The following MAD1L1 variants were observed in gnomAD, a reference collection of about 807,000 sequenced individuals.
MAD1L1 encodes mitotic arrest deficient 1 like 1.
A neutral mutation model predicts 96.9 loss-of-function variants in MAD1L1; 95 were observed. The ratio of observed to expected loss-of-function variants is 0.98; its 90% CI spans 0.83 to 1.16. The LOEUF is 1.16. Ranked by LOEUF, MAD1L1 falls within the 50% of genes most tolerant of loss-of-function variation. MAD1L1 has a pLI of 0.00. For missense variants in MAD1L1, 1,007 were observed against 954.4 expected, an observed-to-expected ratio of 1.06 and a Z score of -0.73; for synonymous variants, 473 against 396.6, an observed-to-expected ratio of 1.19 and a Z score of -2.29.
chr7:2,229,987 C>T lies in MAD1L1; in HGVS notation c.147G>A (p.Met49Ile), dbSNP rs1794111689. Residue 49 changes from methionine (M) to isoleucine (I), a missense_variant, in exon 3 of 19, where the codon ATG (methionine) becomes ATA (isoleucine). Transcript: ENST00000265854. ...GSLQMQYQQS[M>I]QLEERAEQIR... ...CACCCAGGCACATGCCACTCACCTG[C>T]ATGCTCTGCTGGTACTGCATCTGCA... The T allele has an allele frequency of 1.9e-6, 3 of 1,612,464 alleles. No individual in the cohort carries two copies. The highest frequency in any genetic ancestry group is 2.5e-6 in the Non-Finnish European group (3 of 1,179,984).
At chr7:1,890,598 C>T (rs61243586) in intron 18 of MAD1L1, among the ~76,000 whole-genome samples, 2,137 of 152,336 alleles carry the variant, frequency 0.014, 55 homozygotes, top group African/African-American at 0.048. Context: ...TTTATAGCAA[C>T]ATAACAGGCA....
At chr7:2,147,601 G>A (rs894314860) in intron 11 of MAD1L1, among the ~76,000 whole-genome samples, 5 of 152,150 alleles carry the variant, frequency 3.3e-5, no homozygotes, top group Admixed American at 6.5e-5. Context: ...CACCAAGCGC[G>A]TCCATGGGAT....
chr7:1,888,972 ACCTGCAGATCCTCGTGG>A, intron 18 of MAD1L1, among the ~76,000 whole-genome samples: 1 of 152,202 alleles, frequency 6.6e-6, no homozygotes, highest in Admixed American at 6.5e-5. Flanking sequence ...GCACTCACTG[ACCTGCAGATCCTCGTGG>A]CCTGATGTCG....
At chr7:2,010,631 T>A (rs1051437230) in intron 13 of MAD1L1, among the ~76,000 whole-genome samples, 1 of 151,698 alleles carries the variant, frequency 6.6e-6, no homozygotes, top group Admixed American at 6.6e-5. Context: ...AACTCAACAC[T>A]GTTTTCCTGC....
intron 12 of MAD1L1, among the ~76,000 whole-genome samples, chr7:2,035,337 G>C (rs867967820): frequency 4.6e-5 from 6 of 131,654 alleles, no homozygotes; most frequent in African/African-American, 2.1e-4. Flanking sequence ...TCGGGACAGA[G>C]CTGGGGTCCA....
intron 12 of MAD1L1, among the ~76,000 whole-genome samples, chr7:2,064,165 A>C (rs931943874): frequency 6.6e-6 from 1 of 152,214 alleles, no homozygotes; most frequent in African/African-American, 2.4e-5. Flanking sequence ...GAGGGAGCAC[A>C]CAGGAGCCCA....
chr7:1,885,905 C>A (rs1167165660), intron 18 of MAD1L1, among the ~76,000 whole-genome samples: 1 of 152,256 alleles, frequency 6.6e-6, no homozygotes, highest in Non-Finnish European at 1.5e-5. Flanking sequence ...GGGACCCCTG[C>A]CCGGCATCTC....
chr7:2,140,348 C>G (rs1186333075), intron 11 of MAD1L1, among the ~76,000 whole-genome samples: 1 of 152,224 alleles, frequency 6.6e-6, no homozygotes, highest in Admixed American at 6.5e-5. Flanking sequence ...CCTCAAAGGA[C>G]CCTGAAGGGT....
intron 18 of MAD1L1, among the ~76,000 whole-genome samples, chr7:1,885,012 T>C (rs1226207415): frequency 6.6e-6 from 1 of 152,224 alleles, no homozygotes; most frequent in African/African-American, 2.4e-5. Context: ...GTTACCCGTG[T>C]TGGTCAAAAC....
At chr7:2,063,540 C>T (rs1319869237) in intron 12 of MAD1L1, among the ~76,000 whole-genome samples, 2 of 152,242 alleles carry the variant, frequency 1.3e-5, no homozygotes, top group Admixed American at 6.5e-5. Flanking sequence ...AACAACAGCG[C>T]TTGCCTCTGC....
chr7:2,113,775 C>T (rs1023551533), intron 11 of MAD1L1, among the ~76,000 whole-genome samples: 12 of 152,168 alleles, frequency 7.9e-5, no homozygotes, highest in African/African-American at 2.9e-4. Context: ...CATGACATCC[C>T]TTTTAAGATT....
intron 18 of MAD1L1, among the ~76,000 whole-genome samples, chr7:1,868,326 T>A (rs1784876597): frequency 6.6e-6 from 1 of 152,288 alleles, no homozygotes; most frequent in South Asian, 2.1e-4. Context: ...CCCCAGCTCC[T>A]GGGTACTGTG....
chr7:2,046,110 G>A (rs376353529), intron 12 of MAD1L1, among the ~76,000 whole-genome samples: 8 of 152,088 alleles, frequency 5.3e-5, no homozygotes, highest in South Asian at 2.1e-4. Context: ...GCCCCAGGCC[G>A]AGCCCTGCAA....
chr7:2,223,047 G>A (rs1390513217), intron 4 of MAD1L1, among the ~76,000 whole-genome samples: 1 of 152,234 alleles, frequency 6.6e-6, no homozygotes, highest in Admixed American at 6.5e-5. Context: ...AGTTGCCTCT[G>A]CAGGGAGAGG....
At chr7:2,223,591 G>C (rs1793725833) in intron 4 of MAD1L1, 1 of 152,300 alleles carries the variant, frequency 6.6e-6, no homozygotes, top group Admixed American at 6.5e-5. Flanking sequence ...AAACCCAGGA[G>C]AGCTGTGACA....
chr7:1,856,267 C>T (rs1272289360), intron 18 of MAD1L1, among the ~76,000 whole-genome samples: 2 of 152,098 alleles, frequency 1.3e-5, no homozygotes, highest in Non-Finnish European at 2.9e-5. Context: ...TCGGGTTGGG[C>T]GCAGGGAGAA....
At position 2,219,445 on chromosome 7, in the gene MAD1L1, T is replaced by G; in HGVS notation, c.483A>C (p.Ala161=). 6.2e-7 allele frequency: 1 copy of G among 1,613,618 alleles called. No individual in the cohort carries two copies. The highest frequency in any genetic ancestry group is 8.5e-7 in the Non-Finnish European group (1 of 1,179,848). Reference sequence around the variant, plus strand: ...GCAGTTCCGAGATCCTCCCCTTCAGTGCGTTGATGGTCTAAAAGTAGAGGG... The same window carrying G: ...GCAGTTCCGAGATCCTCCCCTTCAGGGCGTTGATGGTCTAAAAGTAGAGGG... The part of the protein sequence containing the change: ...SLAQAGETIN[A]LKGRISELQW... The change falls in exon 6 of 19, where the codon GCA becomes GCC. Residue 161 remains alanine, a synonymous_variant. Coordinates refer to ENST00000265854, the MANE Select transcript of MAD1L1 (RefSeq NM_001013836.2).
intron 1 of MAD1L1, among the ~76,000 whole-genome samples, chr7:2,232,087 C>A (rs1025048787): frequency 6.6e-6 from 1 of 152,156 alleles, no homozygotes; most frequent in Non-Finnish European, 1.5e-5. Flanking sequence ...GAAGACAAAC[C>A]GCAGTAAAGA....
At chr7:1,866,339 C>T (rs954005598) in intron 18 of MAD1L1, among the ~76,000 whole-genome samples, 1 of 152,194 alleles carries the variant, frequency 6.6e-6, no homozygotes, top group Non-Finnish European at 1.5e-5. Context: ...CTCTGCCCTC[C>T]AAGACAAGGG....
Sources: allele counts gnomAD v4.1 joint callset (sites outside exome capture counted in the v4.1 genomes callset), GRCh38; gene constraint gnomAD v4.1.1; transcripts MANE v1.5; gene names NCBI Gene and HGNC (gene_info 2026-07-23, HGNC 2026-07-21).